Variants in ZSWIM4 observed in about 807,000 individuals in gnomAD.
ZSWIM4 encodes zinc finger SWIM domain-containing protein 4.
In ZSWIM4, 62 loss-of-function variants were observed where a neutral mutation model predicts 102.5. That is an observed-to-expected ratio of 0.60 (90% CI 0.49 to 0.75). ZSWIM4 has a LOEUF of 0.75. Among genes scored for constraint, ZSWIM4 ranks in the 30% least tolerant of loss-of-function variants. ZSWIM4 has a pLI of 0.00. For missense variants in ZSWIM4, 1,280 were observed against 1,529.6 expected, an observed-to-expected ratio of 0.84 and a Z score of 2.72; for synonymous variants, 652 against 674.5, an observed-to-expected ratio of 0.97 and a Z score of 0.52.
intron 1 of ZSWIM4, among the ~76,000 whole-genome samples, chr19:13,799,314 C>T (rs920742621): frequency 1.3e-5 from 2 of 149,582 alleles, no homozygotes; most frequent in African/African-American, 4.9e-5. Flanking sequence ...TGCTCTGTCA[C>T]CCAGGCTGGA....
chr19:13,795,623 C>T lies in ZSWIM4; in HGVS notation c.-26C>T, dbSNP rs1974587901. The T allele has an allele frequency of 2.5e-6, 1 of 405,042 alleles. No homozygotes were observed. Among genetic ancestry groups the T allele is most frequent in the South Asian group, 1.1e-4 (1 of 9,252 alleles). The allele number at this position is 405,042 out of a possible 1,614,324, so 25.1% of individuals were successfully genotyped here. A position where few individuals can be genotyped will look rare whatever the true frequency, so the allele number is the denominator to read the frequency against. ...ACCGAGCCCCCCAAAGAGGCCCCGC[C>T]CCGGCCCTGGCCCCGGCCGGGCCGG... On this transcript the variant is annotated 5_prime_UTR_variant, in exon 1 of 14. Coordinates refer to ENST00000590508, the MANE Select transcript of ZSWIM4 (RefSeq NM_001367834.3).
intron 10 of ZSWIM4, among the ~76,000 whole-genome samples, chr19:13,820,520 G>A (rs1391992595): frequency 2.6e-5 from 4 of 152,216 alleles, no homozygotes; most frequent in African/African-American, 7.2e-5. Context: ...ACAGGCGTGA[G>A]CCACTGCACC....
intron 6 of ZSWIM4, 108 bp from the exon 7 acceptor site, chr19:13,814,407 C>A: frequency 4.3e-6 from 2 of 469,550 alleles, no homozygotes; most frequent in Non-Finnish European, 6.1e-6. Flanking sequence ...ATGCCCATAG[C>A]TTTGCCCAGG....
intron 3 of ZSWIM4, among the ~76,000 whole-genome samples, chr19:13,806,583 G>A (rs940895006): frequency 6.6e-6 from 1 of 151,862 alleles, no homozygotes; most frequent in East Asian, 1.9e-4. Flanking sequence ...GGAGGATCAT[G>A]AGCGTGGGAG....
intron 1 of ZSWIM4, chr19:13,796,811 A>T (rs907429921): frequency 1.3e-5 from 2 of 152,234 alleles, no homozygotes; most frequent in Admixed American, 6.6e-5. Flanking sequence ...CAGGAAGCAC[A>T]CACGGGCTCT....
chr19:13,803,217 C>T (rs1025861244), intron 2 of ZSWIM4, among the ~76,000 whole-genome samples: 1 of 152,204 alleles, frequency 6.6e-6, no homozygotes, highest in East Asian at 1.9e-4. Flanking sequence ...TATGAGGAAG[C>T]CATCTCCCTG....
chr19:13,819,502 G>A lies in ZSWIM4; in HGVS notation c.2060+10G>A, dbSNP rs1975402191. The A allele has an allele frequency of 6.3e-7, 1 of 1,586,560 alleles. No homozygotes were observed. The highest frequency in any genetic ancestry group is 8.6e-7 in the Non-Finnish European group (1 of 1,166,496). On this transcript the variant is annotated intron_variant, in intron 10 of 13. Coordinates refer to ENST00000590508, the MANE Select transcript of ZSWIM4 (RefSeq NM_001367834.3). Reference sequence around the variant, plus strand: ...CGCTGCGAGCTATGAGGTGAGGATAGGTGGCCAAGGCAGTGGCAGGGGGAG... The same window carrying A: ...CGCTGCGAGCTATGAGGTGAGGATAAGTGGCCAAGGCAGTGGCAGGGGGAG...
chr19:13,830,245 T>A lies in ZSWIM4; in HGVS notation c.2516T>A (p.Val839Glu). 6.2e-7 allele frequency: 1 copy of A among 1,613,892 alleles called. No individual in the cohort carries two copies. Among genetic ancestry groups the A allele is most frequent in the Non-Finnish European group, 8.5e-7 (1 of 1,180,018 alleles). Reference sequence around the variant, plus strand: ...AACTGGTATTCCTTATTCACACCAGTGGAGGCGGCTACCATCGTGGCAGTG... The same window carrying A: ...AACTGGTATTCCTTATTCACACCAGAGGAGGCGGCTACCATCGTGGCAGTG... Reference protein sequence around the residue: ...MQNWYSLFTPVEAATIVAVTG... With the variant: ...MQNWYSLFTPEEAATIVAVTG... Residue 839 changes from valine (V) to glutamate (E), a missense_variant, in exon 14 of 14, where the codon GTG becomes GAG. Transcript: ENST00000590508.
chr19:13,801,973 A>ATTTTT, intron 2 of ZSWIM4, among the ~76,000 whole-genome samples: 1 of 94,202 alleles, frequency 1.1e-5, no homozygotes, highest in Non-Finnish European at 2.0e-5. Flanking sequence ...CCAGCTTAGA[A>ATTTTT]TTTTTTTTTT....
rs913583115 is a variant in ZSWIM4, at chr19:13,823,263, T to G, written c.2061-83T>G. 4.6e-5 allele frequency: 67 copies of G among 1,458,946 alleles called. 1 individual carries two copies. In the African/African-American group the frequency reaches 8.8e-4, roughly 19 times the overall value. The allele number at this position is 1,458,946 out of a possible 1,614,324, so 90.4% of individuals were successfully genotyped here. A position where few individuals can be genotyped will look rare whatever the true frequency, so the allele number is the denominator to read the frequency against. ...GCTCTGCTGGCTGAAGTGGGGAGGCTGGGCCAGGAGGCTTCTCTGTCTCCT... is the reference window on the plus strand; with the variant it reads ...GCTCTGCTGGCTGAAGTGGGGAGGCGGGGCCAGGAGGCTTCTCTGTCTCCT... On this transcript the variant is annotated intron_variant, in intron 10 of 13. Coordinates refer to ENST00000590508, the MANE Select transcript of ZSWIM4 (RefSeq NM_001367834.3).
intron 6 of ZSWIM4, among the ~76,000 whole-genome samples, chr19:13,813,900 G>A (rs143814863): frequency 0.01 from 1,432 of 140,672 alleles, 18 homozygotes; most frequent in African/African-American, 0.038. Flanking sequence ...TAGCCTGGAC[G>A]ACAGAGTGAG....
chr19:13,795,820 G>T lies in ZSWIM4; in HGVS notation c.153+19G>T. ...CGAGCAGGTGACCGCGGGGGAAGGGGGCGGGGGCAGGGACGCACCCCCAGC... is the reference window on the plus strand; with the variant it reads ...CGAGCAGGTGACCGCGGGGGAAGGGTGCGGGGGCAGGGACGCACCCCCAGC... On this transcript the variant is annotated intron_variant, in intron 1 of 13. Coordinates refer to ENST00000590508, the MANE Select transcript of ZSWIM4 (RefSeq NM_001367834.3). 8.1e-7 allele frequency: 1 copy of T among 1,232,746 alleles called. No homozygotes were observed. The highest frequency in any genetic ancestry group is 3.9e-5 in the South Asian group (1 of 25,894). 76.4% of individuals were successfully genotyped at this position (1,232,746 alleles called of 1,614,324 possible).
rs1201774028 is a variant in ZSWIM4 at position 13,817,314 on chromosome 19, G to T, written c.1630G>T (p.Ala544Ser). The change falls in exon 8 of 14, where the codon GCC (alanine) becomes TCC (serine). Residue 544 changes from alanine (A) to serine (S), a missense_variant. By Grantham distance (99) the Ala-to-Ser change is moderately conservative (BLOSUM62 1). Transcript: ENST00000590508. ...CTGCCTCTGCAGGGCGCTCCTGGAG[G>T]CCTGTCGTCTGGAGGAGGAGACACT... ...IGCLCRALLEACRLEEETLTL... is the reference protein window; with the variant it reads ...IGCLCRALLESCRLEEETLTL... 1 of 1,613,872 alleles carries T rather than the reference G, an allele frequency of 6.2e-7. No homozygotes were observed. Among genetic ancestry groups the T allele is most frequent in the African/African-American group, 1.3e-5 (1 of 74,930 alleles).
At position 13,799,758 on chromosome 19, in the gene ZSWIM4, G is replaced by A; in HGVS notation, c.192G>A (p.Gln64=). Residue 64 remains glutamine, a synonymous_variant, in exon 2 of 14, where the codon CAG becomes CAA. Coordinates refer to ENST00000590508, the MANE Select transcript of ZSWIM4 (RefSeq NM_001367834.3). ...ERFSRVPEPV[Q]KRIVFWSFPR... is the part of the protein sequence containing the mutation. ...TCTCCCGGGTGCCTGAGCCCGTCCAGAAGCGCATCGTGTTTTGGTCGTTTC... is the reference window on the plus strand; with the variant it reads ...TCTCCCGGGTGCCTGAGCCCGTCCAAAAGCGCATCGTGTTTTGGTCGTTTC... 1 of 1,614,104 alleles carries A rather than the reference G, an allele frequency of 6.2e-7. No homozygotes were observed. The highest frequency in any genetic ancestry group is 8.5e-7 in the Non-Finnish European group (1 of 1,180,026).
Position 13,831,191 on chromosome 19 carries a change from C to A in ZSWIM4, c.*141C>A. ...CTGGAGATGGGGGCAGGGGGAGCAG[C>A]ATCCTGCCACGTGTGTGCCTGGGAG... is the stretch of plus-strand genomic sequence containing the variant. On this transcript the variant is annotated 3_prime_UTR_variant, in exon 14 of 14. Coordinates refer to ENST00000590508, the MANE Select transcript of ZSWIM4 (RefSeq NM_001367834.3). 2 of 1,083,974 alleles carry A rather than the reference C, an allele frequency of 1.8e-6. No homozygotes were observed. Among genetic ancestry groups the A allele is most frequent in the Non-Finnish European group, 2.6e-6 (2 of 775,646 alleles). 67.1% of individuals were successfully genotyped at this position (1,083,974 alleles called of 1,614,324 possible).
intron 3 of ZSWIM4, among the ~76,000 whole-genome samples, chr19:13,808,279 G>T (rs1046530439): frequency 6.6e-6 from 1 of 151,946 alleles, no homozygotes; most frequent in Non-Finnish European, 1.5e-5. Context: ...TGAGAAAATG[G>T]ATGCATGAGC....
chr19:13,795,700 G>C lies in ZSWIM4; in HGVS notation c.52G>C (p.Glu18Gln). 8 of 1,152,512 alleles carry C rather than the reference G, an allele frequency of 6.9e-6. No homozygotes were observed. The highest frequency in any genetic ancestry group is 8.7e-6 in the Non-Finnish European group (8 of 922,042). 71.4% of individuals were successfully genotyped at this position (1,152,512 alleles called of 1,614,324 possible). A position where few individuals can be genotyped will look rare whatever the true frequency, so the allele number is the denominator to read the frequency against. The change falls in exon 1 of 14, where the codon GAG becomes CAG. Residue 18 changes from glutamate (E) to glutamine (Q), a missense_variant. Coordinates refer to ENST00000590508, the MANE Select transcript of ZSWIM4 (RefSeq NM_001367834.3). ...CCGGGGCTGCCCCGCGGGACCCGAG[G>C]AGCGCGATGCCGGGGCCGGGGCCGC... is the stretch of plus-strand genomic sequence containing the variant. ...RSRGCPAGPE[E>Q]RDAGAGAARG...
At chr19:13,806,462 T>C (rs561284950) in intron 3 of ZSWIM4, among the ~76,000 whole-genome samples, 2 of 151,896 alleles carry the variant, frequency 1.3e-5, no homozygotes, top group African/African-American at 4.8e-5. Flanking sequence ...AGACCAGCAG[T>C]TCAAGACCGG....
intron 13 of ZSWIM4, 129 bp downstream of exon 13, chr19:13,828,855 C>T (rs1419951451): frequency 5.0e-6 from 4 of 802,412 alleles, no homozygotes; most frequent in African/African-American, 3.4e-5. Flanking sequence ...AATCCCAGCA[C>T]TTTGGGAGGC....
Sources: gnomAD v4.1 joint callset for allele counts (sites outside exome capture counted in the v4.1 genomes callset) on GRCh38, gnomAD v4.1.1 for gene constraint, MANE v1.5 for transcripts, NCBI Gene and HGNC (gene_info 2026-07-23, HGNC 2026-07-21) for gene names.